Variants in DYSF observed in about 807,000 individuals in gnomAD.
The protein encoded by DYSF is dysferlin.
A neutral mutation model predicts 274.9 loss-of-function variants in DYSF; 212 were observed. The observed-to-expected ratio is 0.77, with a 90% confidence interval of 0.69 to 0.86. The LOEUF is 0.86. DYSF is among the 40% of genes least tolerant of loss of function. The pLI is 0.00. For synonymous variants in DYSF, 1,091 were observed against 1,078.7 expected (o/e 1.01, Z -0.22); for missense variants, 2,666 against 2,783.2 (o/e 0.96, Z 0.95).
chr2:71,497,821 C>T (rs1318845928), intron 3 of DYSF, among the ~76,000 whole-genome samples: 1 of 152,224 alleles, frequency 6.6e-6, no homozygotes, highest in East Asian at 1.9e-4. Flanking sequence ...TATATACCTT[C>T]TAAGCTATAT....
chr2:71,472,628 G>A lies in DYSF; in HGVS notation c.91+5695G>A, dbSNP rs371781448. ...TCACCATGTTAGCCAGGATGGTCTGGATCTCCTGACTTCGTGATCCACCCG... is the reference window on the plus strand; with the variant it reads ...TCACCATGTTAGCCAGGATGGTCTGAATCTCCTGACTTCGTGATCCACCCG... On this transcript the variant is annotated intron_variant, in intron 1 of 55. Transcript: ENST00000410020. Among the ~76,000 whole-genome samples the A allele has an allele frequency of 7.4e-4, 112 of 152,236 alleles. 1 individual carries two copies. The South Asian group carries it at 0.018, about 24-fold the overall frequency.
At chr2:71,571,521 T>A (rs1388489389) in intron 29 of DYSF, among the ~76,000 whole-genome samples, 2 of 89,096 alleles carry the variant, frequency 2.2e-5, no homozygotes, top group Non-Finnish European at 4.2e-5. Context: ...CACACACAGC[T>A]CACACCCAGC....
chr2:71,621,688 C>A (rs1425969065), intron 41 of DYSF, among the ~76,000 whole-genome samples: 1 of 151,558 alleles, frequency 6.6e-6, no homozygotes, highest in Non-Finnish European at 1.5e-5. Context: ...GAGATGGAGT[C>A]TCACTTTGTC....
At chr2:71,598,460 C>A in intron 32 of DYSF, 104 bp from the exon 33 acceptor site, 1 of 1,397,234 alleles carries the variant, frequency 7.2e-7, no homozygotes, top group Non-Finnish European at 9.9e-7. Context: ...AGAGTGGCAG[C>A]CACAACCCTG....
chr2:71,491,616 A>G (rs994054068), intron 3 of DYSF, among the ~76,000 whole-genome samples: 1 of 152,144 alleles, frequency 6.6e-6, no homozygotes, highest in Non-Finnish European at 1.5e-5. Context: ...CTATGTGCCC[A>G]TGTGTTCTCA....
At position 71,568,094 on chromosome 2, in the gene DYSF, CCAG is replaced by C; in HGVS notation, c.2697+14_2697+16del. ...TCTTTGCTGAAACCGTGAGTACCTG[CCAG>C]CCCCCACCTCTGCCTCCCACTACCT... On this transcript the variant is annotated intron_variant, in intron 25 of 55. Transcript: ENST00000410020. 1.2e-6 allele frequency: 2 copies of C among 1,614,184 alleles called. No individual in the cohort carries two copies. The highest frequency in any genetic ancestry group is 2.2e-5 in the South Asian group (2 of 91,074).
rs923314140 is a variant in DYSF at position 71,567,954 on chromosome 2, C to G, written c.2569C>G (p.Pro857Ala). 3 of 1,613,988 alleles carry G rather than the reference C, an allele frequency of 1.9e-6. No individual in the cohort carries two copies. Among genetic ancestry groups the G allele is most frequent in the African/African-American group, 1.3e-5 (1 of 74,892 alleles). The part of the protein sequence containing the change: ...GKLQTIFLKY[P>A]MEKVPGARMP... ...TCTGTCCTTCTCTGGTACCCAGTAT[C>G]CGATGGAGAAGGTGCCTGGCGCCCG... The change falls in exon 25 of 56, where the codon CCG becomes GCG. Residue 857 changes from proline to alanine, a missense_variant. This residue lies in a region of DYSF where 412 missense variants were observed against 504.0 expected (regional missense o/e 0.82). Coordinates refer to ENST00000410020, the MANE Select transcript of DYSF (RefSeq NM_001130987.2).
At position 71,516,209 on chromosome 2, in the gene DYSF, T is replaced by C; in HGVS notation, c.918T>C (p.Pro306=). 6.2e-7 allele frequency: 1 copy of C among 1,614,228 alleles called. No individual in the cohort carries two copies. The highest frequency in any genetic ancestry group is 8.5e-7 in the Non-Finnish European group (1 of 1,180,016). The part of the protein sequence containing the change: ...ETLFFNLFDS[P]GELFDEPIFI... ...TTTTCTTCAACTTGTTTGACTCTCCTGGGGAGCTGTTTGATGAGCCCATCT... is the reference window on the plus strand; with the variant it reads ...TTTTCTTCAACTTGTTTGACTCTCCCGGGGAGCTGTTTGATGAGCCCATCT... Residue 306 remains proline (P), a synonymous_variant, in exon 9 of 56, where the codon CCT becomes CCC. Coordinates refer to ENST00000410020, the MANE Select transcript of DYSF (RefSeq NM_001130987.2).
chr2:71,631,585 C>T (rs190593345), intron 41 of DYSF, among the ~76,000 whole-genome samples: 289 of 152,214 alleles, frequency 1.9e-3, no homozygotes, highest in South Asian at 6.2e-3. Flanking sequence ...ATACAAATCG[C>T]CCATCAAATG....
intron 3 of DYSF, among the ~76,000 whole-genome samples, chr2:71,497,352 T>A (rs1212535221): frequency 1.3e-5 from 2 of 152,172 alleles, no homozygotes; most frequent in African/African-American, 4.8e-5. Context: ...GTTCTCATAA[T>A]CCCCATGTGC....
intron 41 of DYSF, among the ~76,000 whole-genome samples, chr2:71,621,910 C>T (rs7580894): frequency 0.4 from 60,303 of 151,874 alleles, 13,073 homozygotes; most frequent in East Asian, 0.48. Flanking sequence ...CTGCCCGCCT[C>T]GGCCTCCCAA....
chr2:71,596,174 T>C (rs2093403602), intron 32 of DYSF, among the ~76,000 whole-genome samples: 1 of 151,638 alleles, frequency 6.6e-6, no homozygotes. Flanking sequence ...GTCTGGGTGA[T>C]TTTTGTTTGA....
At chr2:71,674,118 G>A (rs2152961085) in intron 51 of DYSF, 79 bp from the exon 52 acceptor site, 8 of 1,330,568 alleles carry the variant, frequency 6.0e-6, no homozygotes, top group Non-Finnish European at 8.6e-6. Flanking sequence ...CCTCCAGGCA[G>A]CCTTCCAGGC....
chr2:71,466,946 T>G lies in DYSF; in HGVS notation c.91+13T>G. 3.2e-6 allele frequency: 5 copies of G among 1,548,466 alleles called. No individual in the cohort carries two copies. The highest frequency in any genetic ancestry group is 1.7e-4 in the Middle Eastern group (1 of 5,984). ...CTGACTTTCCGAGGTGAGAGCCCCG[T>G]GGCTGCCGCGCCCATGCTCGGGTGC... On this transcript the variant is annotated intron_variant, in intron 1 of 55. Coordinates refer to ENST00000410020, the MANE Select transcript of DYSF (RefSeq NM_001130987.2).
At chr2:71,612,562 C>A in intron 38 of DYSF, 79 bp from the exon 39 acceptor site, 2 of 1,585,932 alleles carry the variant, frequency 1.3e-6, no homozygotes, top group South Asian at 2.2e-5. Flanking sequence ...GGTTTATAGT[C>A]ATTTTCTGCT....
At chr2:71,470,447 T>C (rs1573310539) in intron 1 of DYSF, among the ~76,000 whole-genome samples, 1 of 151,712 alleles carries the variant, frequency 6.6e-6, no homozygotes, top group South Asian at 2.1e-4. Context: ...CCAAGGCGGG[T>C]GGATCATGAG....
chr2:71,526,115 T>C, intron 12 of DYSF, 105 bp from the exon 13 acceptor site: 1 of 1,598,010 alleles, frequency 6.3e-7, no homozygotes, highest in Admixed American at 1.7e-5. Flanking sequence ...TCTGCCTTAC[T>C]GCAGAATGCA....
chr2:71,465,318 T>C (rs764251566), upstream of DYSF, among the ~76,000 whole-genome samples: 1 of 152,038 alleles, frequency 6.6e-6, no homozygotes, highest in Non-Finnish European at 1.5e-5. Context: ...CTCACAGGAT[T>C]TGGGCACAGA....
intron 55 of DYSF, among the ~76,000 whole-genome samples, chr2:71,683,310 C>G (rs772659192): frequency 2.6e-5 from 4 of 152,136 alleles, no homozygotes; most frequent in South Asian, 2.1e-4. Flanking sequence ...CTTGTGGGGC[C>G]ATACCAGAGG....
Sources: allele counts gnomAD v4.1 joint callset (sites outside exome capture counted in the v4.1 genomes callset), GRCh38; gene constraint gnomAD v4.1.1; regional missense constraint gnomAD v4.1.1; transcripts MANE v1.5; gene names NCBI Gene and HGNC (gene_info 2026-07-23, HGNC 2026-07-21).